The following FGF2 variants were observed in gnomAD, a reference collection of about 807,000 sequenced individuals.
FGF2 encodes the protein basic fibroblast growth factor bFGF.
FGF2 carries 13 observed loss-of-function variants against 15.9 expected under a neutral mutation model. The ratio of observed to expected loss-of-function variants is 0.82; its 90% CI spans 0.53 to 1.30. FGF2 has a LOEUF of 1.30. Among genes scored for constraint, FGF2 ranks in the 50% most tolerant of loss-of-function variants. FGF2 has a pLI of 0.00. For synonymous variants in FGF2, 90 were observed against 78.4 expected (o/e 1.15, Z -0.78); for missense variants, 163 against 196.9 (o/e 0.83, Z 1.03).
At chr4:122,828,209 C>T (rs941123870) in intron 1 of FGF2, among the ~76,000 whole-genome samples, 4 of 152,160 alleles carry the variant, frequency 2.6e-5, no homozygotes, top group African/African-American at 7.2e-5. Flanking sequence ...TTAGGGGATT[C>T]CCTAAGTCTG....
At chr4:122,890,132 A>G (rs911959149) in intron 2 of FGF2, 2 of 152,200 alleles carry the variant, frequency 1.3e-5, no homozygotes, top group African/African-American at 2.4e-5. Context: ...ATCAGTGGCA[A>G]TGAAGATGAC....
In FGF2 at chr4:122,854,076, T is replaced by C. The variant is rs547955849; in HGVS notation, c.179-22245T>C. Among the ~76,000 whole-genome samples, 471 of 152,330 alleles carry C rather than the reference T, an allele frequency of 3.1e-3. 3 individuals carry two copies. The highest frequency in any genetic ancestry group is 0.031 in the Middle Eastern group (9 of 294). ...TTCTGTAGATAGAGCATAGAAGATA[T>C]ACTAGGAACATGGGGAAAAGCCATT... is the stretch of plus-strand genomic sequence containing the variant. On this transcript the variant is annotated intron_variant, in intron 1 of 2. Transcript: ENST00000644866.
intron 1 of FGF2, among the ~76,000 whole-genome samples, chr4:122,864,532 T>C (rs564824565): frequency 1.4e-4 from 22 of 152,358 alleles, no homozygotes; most frequent in African/African-American, 5.3e-4. Flanking sequence ...GGTCTCATAT[T>C]TTCTTTACAG....
chr4:122,848,898 A>G (rs999382567), intron 1 of FGF2, among the ~76,000 whole-genome samples: 12 of 152,182 alleles, frequency 7.9e-5, no homozygotes, highest in African/African-American at 2.7e-4. Context: ...TACTTTTTAG[A>G]ATACATCACT....
intron 1 of FGF2, among the ~76,000 whole-genome samples, chr4:122,844,843 C>T (rs1032659211): frequency 2.0e-5 from 3 of 152,050 alleles, no homozygotes; most frequent in Admixed American, 1.3e-4. Context: ...CACTATGTTA[C>T]CCAGTCTGGC....
chr4:122,830,583 G>T (rs1725743387), intron 1 of FGF2, among the ~76,000 whole-genome samples: 1 of 152,042 alleles, frequency 6.6e-6, no homozygotes, highest in South Asian at 2.1e-4. Context: ...CAGCATGTGC[G>T]CTGCACTCCT....
At chr4:122,871,899 T>C (rs1726744361) in intron 1 of FGF2, among the ~76,000 whole-genome samples, 1 of 114,058 alleles carries the variant, frequency 8.8e-6, no homozygotes, top group Non-Finnish European at 1.7e-5. Context: ...ATAGACAAAC[T>C]CACAAAGATG....
In FGF2 at chr4:122,827,093, A is replaced by AGGCCGG. The variant is rs1258501021; in HGVS notation, c.-67_-62dup. ...GGGGCCGTGCCCCGGAGCGGGTCGG[A>AGGCCGG]GGCCGGGGCCGGGGCCGGGGGACGG... On this transcript the variant is annotated 5_prime_UTR_variant, in exon 1 of 3. Coordinates refer to ENST00000644866, the MANE Select transcript of FGF2 (RefSeq NM_001361665.2). The surrounding 1 kb of genome is among the most constrained non-coding windows in gnomAD (Gnocchi z 4.2). 208 of 1,190,810 alleles carry AGGCCGG rather than the reference A, an allele frequency of 1.7e-4. 1 individual carries two copies. The highest frequency in any genetic ancestry group is 1.7e-3 in the South Asian group (46 of 26,518). The allele number at this position is 1,190,810 out of a possible 1,614,324, so 73.8% of individuals were successfully genotyped here.
intron 1 of FGF2, among the ~76,000 whole-genome samples, chr4:122,835,291 CG>C (rs1553946748): frequency 1.3e-5 from 2 of 152,032 alleles, no homozygotes; most frequent in Non-Finnish European, 2.9e-5. Context: ...ACTCCTCAGG[CG>C]GTTATACTTT....
chr4:122,889,676 T>C (rs1279424506), intron 2 of FGF2, among the ~76,000 whole-genome samples: 7 of 152,156 alleles, frequency 4.6e-5, no homozygotes, highest in Non-Finnish European at 1.0e-4. Context: ...CAGATGTAAG[T>C]TTCCTTCCCT....
chr4:122,832,939 C>G (rs944071136), intron 1 of FGF2, among the ~76,000 whole-genome samples: 3 of 152,176 alleles, frequency 2.0e-5, no homozygotes, highest in Non-Finnish European at 4.4e-5. Flanking sequence ...TGGCAACTTC[C>G]AGGGGAACTC....
In FGF2 at chr4:122,877,107, TTTTTTTTTC is replaced by T. The variant is rs1287538685; in HGVS notation, c.282+692_282+700del. On this transcript the variant is annotated intron_variant, in intron 2 of 2. Coordinates refer to ENST00000644866, the MANE Select transcript of FGF2 (RefSeq NM_001361665.2). ...TTACATATATGTCAGGAGAGGGACT[TTTTTTTTTC>T]TTTTTTTTTTTGAGATGGAGTCTCA... Among the ~76,000 whole-genome samples the T allele has an allele frequency of 7.8e-5, 11 of 140,520 alleles. No individual in the cohort carries two copies. The Admixed American group carries it at 7.8e-4, about 10-fold the overall frequency. The allele number at this position is 140,520 out of a possible 152,430, so 92.2% of individuals were successfully genotyped here.
At position 122,893,872 on chromosome 4, in the gene FGF2, G is replaced by A. The variant is rs993808118; in HGVS notation, c.*1476G>A. On this transcript the variant is annotated 3_prime_UTR_variant, in exon 3 of 3. Transcript: ENST00000644866. The stretch of plus-strand genomic sequence containing the variant: ...TGTCATTGTCTCCCAAAGTATTTAG[G>A]AGAAGCCCTTTAAAAAGCTGCCTTC... 1 of 152,144 alleles carries A rather than the reference G, an allele frequency of 6.6e-6. No homozygotes were observed. Among genetic ancestry groups the A allele is most frequent in the South Asian group, 2.1e-4 (1 of 4,814 alleles). The allele number at this position is 152,144 out of a possible 1,614,324, so 9.4% of individuals were successfully genotyped here. A position where few individuals can be genotyped will look rare whatever the true frequency, so the allele number is the denominator to read the frequency against.
At chr4:122,848,528 C>G (rs1726163202) in intron 1 of FGF2, among the ~76,000 whole-genome samples, 1 of 152,166 alleles carries the variant, frequency 6.6e-6, no homozygotes, top group South Asian at 2.1e-4. Context: ...GCTGCTGGGC[C>G]TGTTGTCTGT....
intron 1 of FGF2, among the ~76,000 whole-genome samples, chr4:122,849,853 G>GCC (rs1726192673): frequency 1.3e-5 from 2 of 152,160 alleles, no homozygotes; most frequent in South Asian, 4.1e-4. Context: ...CTTGCTGAGG[G>GCC]CCCACTTGAG....
intron 2 of FGF2, among the ~76,000 whole-genome samples, chr4:122,887,183 G>A (rs1236657330): frequency 1.3e-5 from 2 of 152,090 alleles, no homozygotes; most frequent in South Asian, 2.1e-4. Context: ...GTGTGGTGGT[G>A]CGCACCTGTA....
intron 1 of FGF2, among the ~76,000 whole-genome samples, chr4:122,831,062 C>G (rs1725756647): frequency 6.6e-6 from 1 of 152,162 alleles, no homozygotes; most frequent in South Asian, 2.1e-4. Flanking sequence ...AAAACATGGA[C>G]TTGTGAAATC....
At chr4:122,869,603 G>T (rs1322870591) in intron 1 of FGF2, among the ~76,000 whole-genome samples, 1 of 152,122 alleles carries the variant, frequency 6.6e-6, no homozygotes, top group Non-Finnish European at 1.5e-5. Flanking sequence ...TAACGATTGT[G>T]AACGGGAGTT....
chr4:122,828,931 A>G (rs1725705424), intron 1 of FGF2, among the ~76,000 whole-genome samples: 1 of 152,216 alleles, frequency 6.6e-6, no homozygotes, highest in African/African-American at 2.4e-5. Context: ...TGTGTGTCCC[A>G]ATTGGTTTTG....
Sources: allele counts gnomAD v4.1 joint callset (sites outside exome capture counted in the v4.1 genomes callset), GRCh38; gene constraint gnomAD v4.1.1; non-coding constraint Gnocchi (gnomAD v3.1); transcripts MANE v1.5; gene names NCBI Gene and HGNC (gene_info 2026-07-23, HGNC 2026-07-21).